Variants in KLHL12 observed in about 807,000 individuals in gnomAD.
KLHL12 encodes the protein kelch like family member 12.
Under a neutral mutation model 60.8 loss-of-function variants are expected in KLHL12, and 17 were observed. The observed-to-expected ratio is 0.28, with a 90% CI of 0.19 to 0.42. The LOEUF (loss-of-function observed/expected upper bound fraction) is 0.42, where lower values mean the gene tolerates loss of function less well. Ranked by LOEUF, KLHL12 falls within the 10% of genes least tolerant of loss-of-function variation. KLHL12 has a pLI of 1.00. For synonymous variants in KLHL12, 220 were observed against 250.9 expected (o/e 0.88, Z 1.16); for missense variants, 468 against 722.3 (o/e 0.65, Z 4.04).
rs1262758987 is a variant in KLHL12 at position 202,909,843 on chromosome 1, T to C, written c.718-719A>G. On this transcript the variant is annotated intron_variant, in intron 5 of 11. Coordinates refer to ENST00000367261, the MANE Select transcript of KLHL12 (RefSeq NM_021633.4). This position sits in a 1 kb window ranked among gnomAD's most constrained non-coding sequence, Gnocchi z 4.1. The stretch of plus-strand genomic sequence containing the variant: ...AACCTTGTCCCTTCAGGCTTAGGGG[T>C]TGTTAATAGCTTATGTCCTAGATCC... 1.3e-5 allele frequency among the ~76,000 whole-genome samples: 2 copies of C among 152,192 alleles called. No individual in the cohort carries two copies. Among genetic ancestry groups the C allele is most frequent in the Non-Finnish European group, 2.9e-5 (2 of 68,030 alleles).
At position 202,913,925 on chromosome 1, in the gene KLHL12, A is replaced by G. The variant is rs575290556; in HGVS notation, c.568-2722T>C. On this transcript the variant is annotated intron_variant, in intron 4 of 11. Coordinates refer to ENST00000367261, the MANE Select transcript of KLHL12 (RefSeq NM_021633.4). ...AAGTGCCCAACAGCAACACGGGGCT[A>G]GCGGGAGCAAACCAGACACTATAGA... Among the ~76,000 whole-genome samples the G allele has an allele frequency of 3.9e-5, 6 of 152,364 alleles. No individual in the cohort carries two copies. In the East Asian group the frequency reaches 1.2e-3, roughly 29 times the overall value.
Position 202,919,749 on chromosome 1 carries a change from C to A in KLHL12, c.349+6G>T. 3 of 1,609,894 alleles carry A rather than the reference C, an allele frequency of 1.9e-6. No individual in the cohort carries two copies. Among genetic ancestry groups the A allele is most frequent in the Non-Finnish European group, 2.5e-6 (3 of 1,178,606 alleles). On this transcript the variant is annotated splice_donor_region_variant and intron_variant, in intron 3 of 11. Transcript: ENST00000367261. ...CATAAACAATAGCAAGTTTTAATGT[C>A]TGTACCTTTCAACTGAAGCAGACAG...
chr1:202,903,268 C>T (rs936883357), intron 6 of KLHL12, among the ~76,000 whole-genome samples: 2 of 150,170 alleles, frequency 1.3e-5, no homozygotes, highest in African/African-American at 2.5e-5. Flanking sequence ...ACTCATTCTA[C>T]TTTCTGAGGC....
chr1:202,904,016 T>TATCTATCTATCTATCTATC (rs1553236679), intron 6 of KLHL12, among the ~76,000 whole-genome samples: 4 of 150,008 alleles, frequency 2.7e-5, no homozygotes, highest in African/African-American at 1.0e-4. Context: ...ATCTATCTAT[T>TATCTATCTATCTATCTATC]TATCTATCTA....
intron 6 of KLHL12, among the ~76,000 whole-genome samples, chr1:202,906,100 T>A (rs111844612): frequency 0.12 from 16,947 of 144,060 alleles, 1,222 homozygotes; most frequent in Middle Eastern, 0.25. Context: ...ATTACGGGCA[T>A]GAGCCACCGC....
intron 3 of KLHL12, among the ~76,000 whole-genome samples, chr1:202,919,544 T>C (rs1469137455): frequency 6.6e-6 from 1 of 152,190 alleles, no homozygotes; most frequent in African/African-American, 2.4e-5. Flanking sequence ...ATGCTCTCTT[T>C]TATAGAGCCA....
At position 202,909,119 on chromosome 1, in the gene KLHL12, G is replaced by C. The variant is rs1245184972; in HGVS notation, c.723C>G (p.Phe241Leu). The change falls in exon 6 of 12, where the codon TTC (phenylalanine) becomes TTG (leucine). Residue 241 changes from phenylalanine to leucine, a missense_variant. By Grantham distance (22) the Phe-to-Leu change is conservative. Around this residue, in one of 4 missense-constraint regions of KLHL12, gnomAD observed 339 missense variants for 525.0 expected, o/e 0.65. Coordinates refer to ENST00000367261, the MANE Select transcript of KLHL12 (RefSeq NM_021633.4). This position sits in a 1 kb window ranked among gnomAD's most constrained non-coding sequence, Gnocchi z 4.1. ...YITDVIDAEP[F>L]IRCSLQCRDL... is the part of the protein sequence containing the mutation. Reference sequence around the variant, plus strand: ...CCCTGCATTGTAAACTACAGCGGATGAAAGGCTGAAATATAGCAGACAGCA... The same window carrying C: ...CCCTGCATTGTAAACTACAGCGGATCAAAGGCTGAAATATAGCAGACAGCA... 2 of 1,608,906 alleles carry C rather than the reference G, an allele frequency of 1.2e-6. No individual in the cohort carries two copies. Among genetic ancestry groups the C allele is most frequent in the Middle Eastern group, 1.7e-4 (1 of 6,054 alleles).
At chr1:202,910,926 T>C in intron 5 of KLHL12, 128 bp downstream of exon 5, 1 of 1,019,484 alleles carries the variant, frequency 9.8e-7, no homozygotes, top group Non-Finnish European at 1.5e-6. Flanking sequence ...AGCACCACTC[T>C]CACTGGCATT....
At chr1:202,926,693 T>C (rs919310617) in intron 1 of KLHL12, among the ~76,000 whole-genome samples, 6 of 152,186 alleles carry the variant, frequency 3.9e-5, no homozygotes, top group Admixed American at 2.6e-4. Flanking sequence ...AGTCTCAGCA[T>C]ATCCTTCATC....
chr1:202,894,346 T>C (rs1260331600), intron 9 of KLHL12, 64 bp from the exon 10 acceptor site: 4 of 1,126,144 alleles, frequency 3.6e-6, no homozygotes, highest in East Asian at 2.6e-5. Context: ...GGTCGGTTTT[T>C]TTCTGAGTGC....
chr1:202,895,486 T>C lies in KLHL12; in HGVS notation c.1135+36A>G. The C allele has an allele frequency of 1.3e-6, 2 of 1,584,580 alleles. No homozygotes were observed. The highest frequency in any genetic ancestry group is 1.7e-6 in the Non-Finnish European group (2 of 1,161,314). On this transcript the variant is annotated intron_variant, in intron 8 of 11. Coordinates refer to ENST00000367261, the MANE Select transcript of KLHL12 (RefSeq NM_021633.4). The surrounding 1 kb of genome is among the most constrained non-coding windows in gnomAD (Gnocchi z 4.2). ...GTTAAAAACCCTGGTCCAGCCACAG[T>C]AAGATGGAAATAATTGCCCTGCACA... is the stretch of plus-strand genomic sequence containing the variant.
Position 202,896,947 on chromosome 1 carries a change from C to T in KLHL12, c.846G>A (p.Val282=). 6.2e-7 allele frequency: 1 copy of T among 1,614,106 alleles called. No homozygotes were observed. The highest frequency in any genetic ancestry group is 1.1e-5 in the South Asian group (1 of 91,082). ...RTRARLGANE[V]LLVVGGFGSQ... ...TTCCAAAGCCCCCAACCACCAAAAG[C>T]ACTTCATTGGCTCCTGAAGACAAAG... The change falls in exon 7 of 12, where the codon GTG becomes GTA. Residue 282 remains valine, a synonymous_variant. Coordinates refer to ENST00000367261, the MANE Select transcript of KLHL12 (RefSeq NM_021633.4).
chr1:202,921,321 C>T (rs530619827), intron 2 of KLHL12, among the ~76,000 whole-genome samples: 106 of 152,136 alleles, frequency 7.0e-4, no homozygotes, highest in South Asian at 6.2e-3. Flanking sequence ...ACTACAGGCA[C>T]ATGCCACCAT....
chr1:202,894,530 C>A, intron 9 of KLHL12, 61 bp downstream of exon 9: 2 of 1,546,502 alleles, frequency 1.3e-6, no homozygotes, highest in South Asian at 1.1e-5. Context: ...AAAAAGGAAT[C>A]CTTACCCACA....
chr1:202,920,173 G>C (rs998719220), intron 2 of KLHL12, among the ~76,000 whole-genome samples: 6 of 151,740 alleles, frequency 4.0e-5, no homozygotes, highest in Non-Finnish European at 2.9e-5. Flanking sequence ...AATTAGTTGG[G>C]CATGGTGGCA....
chr1:202,897,075 G>A (rs980335833), intron 6 of KLHL12, 115 bp from the exon 7 acceptor site: 5 of 806,340 alleles, frequency 6.2e-6, no homozygotes, highest in African/African-American at 1.7e-5. Context: ...TGTGGCTGAG[G>A]GATGCAATCC....
At chr1:202,920,672 G>A (rs1047890392) in intron 2 of KLHL12, among the ~76,000 whole-genome samples, 1 of 151,860 alleles carries the variant, frequency 6.6e-6, no homozygotes, top group Non-Finnish European at 1.5e-5. Context: ...CACCGCGCCC[G>A]GCCAATTTTG....
chr1:202,922,196 G>A (rs371894274), intron 2 of KLHL12, among the ~76,000 whole-genome samples: 2 of 152,206 alleles, frequency 1.3e-5, no homozygotes, highest in South Asian at 2.1e-4. Flanking sequence ...TTTTCAGCAT[G>A]CTTCTCATTT....
At chr1:202,911,770 C>T (rs565649670) in intron 4 of KLHL12, 10 of 666,892 alleles carry the variant, frequency 1.5e-5, no homozygotes, top group African/African-American at 3.6e-5. Context: ...CTGTGGACGC[C>T]GCCGAAGAAG....
Sources: gnomAD v4.1 joint callset for allele counts (sites outside exome capture counted in the v4.1 genomes callset) on GRCh38, gnomAD v4.1.1 for gene constraint, gnomAD v4.1.1 regional missense constraint, Gnocchi (gnomAD v3.1) non-coding constraint, MANE v1.5 for transcripts, NCBI Gene and HGNC (gene_info 2026-07-23, HGNC 2026-07-21) for gene names.